CDK6: variants seen among roughly 807,000 people sequenced by gnomAD.
CDK6 encodes the protein cyclin dependent kinase 6.
Under a neutral mutation model 37.1 loss-of-function variants are expected in CDK6, and 6 were observed. The ratio of observed to expected loss-of-function variants is 0.16; its 90% CI spans 0.09 to 0.32. The LOEUF (loss-of-function observed/expected upper bound fraction) is 0.32, where lower values mean the gene tolerates loss of function less well. Ranked by LOEUF, CDK6 falls within the 10% of genes least tolerant of loss-of-function variation. The probability of loss-of-function intolerance (pLI) is 1.00; values close to 1 mark genes in which losing one functional copy is unlikely to be tolerated. For missense variants in CDK6, 224 were observed against 418.9 expected, an observed-to-expected ratio of 0.53 and a Z score of 4.06; for synonymous variants, 160 against 161.3, an observed-to-expected ratio of 0.99 and a Z score of 0.06.
rs1398003813 is a variant in CDK6, at chr7:92,623,102, T to C, written c.648-16A>G. 3.3e-6 allele frequency: 5 copies of C among 1,505,876 alleles called. No individual in the cohort carries two copies. Among genetic ancestry groups the C allele is most frequent in the Non-Finnish European group, 4.6e-6 (5 of 1,088,500 alleles). The allele number at this position is 1,505,876 out of a possible 1,614,324, so 93.3% of individuals were successfully genotyped here. On this transcript the variant is annotated splice_polypyrimidine_tract_variant and intron_variant, in intron 5 of 7. Coordinates refer to ENST00000424848, the MANE Select transcript of CDK6 (RefSeq NM_001145306.2). ...AAAAAGAGGCCTAAAAGAATAAAGA[T>C]ACATTTTAAATAAGAAATGTTCTCA...
chr7:92,695,282 A>AAAAAAAGAAAG (rs1554403912), intron 4 of CDK6, among the ~76,000 whole-genome samples: 8 of 149,978 alleles, frequency 5.3e-5, no homozygotes, highest in African/African-American at 2.0e-4. Context: ...AAAAAAAAAA[A>AAAAAAAGAAAG]AAAGAAAGAA....
chr7:92,784,540 A>T (rs954319328), intron 2 of CDK6, among the ~76,000 whole-genome samples: 1 of 152,170 alleles, frequency 6.6e-6, no homozygotes, highest in Non-Finnish European at 1.5e-5. Context: ...ACCTTCAATC[A>T]GCCACTCCAA....
In CDK6 at chr7:92,607,806, G is replaced by A. The variant is rs1795462026; in HGVS notation, c.*7334C>T. ...GTACTAACTAATATATTTACTACAG[G>A]TAATAGGAAAACAAATGAATAAAAA... is the stretch of plus-strand genomic sequence containing the variant. On this transcript the variant is annotated 3_prime_UTR_variant, in exon 8 of 8. Coordinates refer to ENST00000424848, the MANE Select transcript of CDK6 (RefSeq NM_001145306.2). The A allele has an allele frequency of 4.3e-6, 1 of 232,088 alleles. No homozygotes were observed. Among genetic ancestry groups the A allele is most frequent in the East Asian group, 6.1e-5 (1 of 16,368 alleles). The allele number at this position is 232,088 out of a possible 1,614,324, so 14.4% of individuals were successfully genotyped here. A position where few individuals can be genotyped will look rare whatever the true frequency, so the allele number is the denominator to read the frequency against.
chr7:92,721,817 G>A (rs1034470890), intron 4 of CDK6, among the ~76,000 whole-genome samples: 3 of 152,022 alleles, frequency 2.0e-5, no homozygotes, highest in African/African-American at 2.4e-5. Flanking sequence ...TATGAAACTC[G>A]TGTTTCTTAA....
At chr7:92,744,927 T>C (rs1436822224) in intron 3 of CDK6, among the ~76,000 whole-genome samples, 1 of 152,162 alleles carries the variant, frequency 6.6e-6, no homozygotes, top group Non-Finnish European at 1.5e-5. Context: ...AACTCTTACC[T>C]TTCTCGCTGG....
chr7:92,667,915 A>G (rs781213560), intron 5 of CDK6, among the ~76,000 whole-genome samples: 52 of 152,158 alleles, frequency 3.4e-4, no homozygotes, highest in Non-Finnish European at 5.4e-4. Flanking sequence ...ATTATTGAAG[A>G]AAGAAAAATA....
chr7:92,762,643 C>G (rs892479895), intron 3 of CDK6, among the ~76,000 whole-genome samples: 6 of 151,604 alleles, frequency 4.0e-5, no homozygotes, highest in Non-Finnish European at 8.8e-5. Flanking sequence ...TCTCGGCTCA[C>G]TGCAACCTCT....
At chr7:92,738,259 T>C (rs1798833450) in intron 3 of CDK6, among the ~76,000 whole-genome samples, 1 of 152,116 alleles carries the variant, frequency 6.6e-6, no homozygotes. Flanking sequence ...CAAATGGAAC[T>C]GAAGAGCTAC....
intron 5 of CDK6, among the ~76,000 whole-genome samples, chr7:92,628,373 T>C (rs1163286486): frequency 5.7e-5 from 2 of 34,822 alleles, no homozygotes; most frequent in African/African-American, 7.5e-4. Context: ...CCTACTTTAA[T>C]ACTAAGGCAA....
intron 3 of CDK6, among the ~76,000 whole-genome samples, chr7:92,744,896 A>G (rs1799021845): frequency 6.6e-6 from 1 of 152,046 alleles, no homozygotes. Context: ...AAGAGACTCA[A>G]GGTATAGGCT....
chr7:92,693,483 T>A (rs896336385), intron 4 of CDK6, among the ~76,000 whole-genome samples: 1 of 152,238 alleles, frequency 6.6e-6, no homozygotes, highest in African/African-American at 2.4e-5. Flanking sequence ...TATTATCTGT[T>A]TTCTAATTTA....
intron 4 of CDK6, chr7:92,725,243 T>C (rs1172493448): frequency 1.0e-6 from 1 of 985,336 alleles, no homozygotes; most frequent in Admixed American, 6.1e-5. Context: ...AAAACCATGA[T>C]GCTGCAGACA....
In CDK6 at chr7:92,694,501, A is replaced by G. The variant is rs116589655; in HGVS notation, c.538-22966T>C. 1.5e-3 allele frequency among the ~76,000 whole-genome samples: 229 copies of G among 152,346 alleles called. 2 individuals are homozygous for G. The highest frequency in any genetic ancestry group is 5.3e-3 in the African/African-American group (219 of 41,588). ...CTGAAAGAACATTAATAATTACTCA[A>G]TATAATTTGTGATTCCATAAAGCAA... On this transcript the variant is annotated intron_variant, in intron 4 of 7. Coordinates refer to ENST00000424848, the MANE Select transcript of CDK6 (RefSeq NM_001145306.2).
In CDK6 at chr7:92,612,019, T is replaced by C. The variant is rs1795573830; in HGVS notation, c.*3121A>G. ...CAACCCACTGGGTTCTTACAAGTGC[T>C]TAGAAATTGTATTTTTAAGATTAGG... On this transcript the variant is annotated 3_prime_UTR_variant, in exon 8 of 8. Transcript: ENST00000424848. 1 of 232,912 alleles carries C rather than the reference T, an allele frequency of 4.3e-6. No homozygotes were observed. Among genetic ancestry groups the C allele is most frequent in the African/African-American group, 2.2e-5 (1 of 45,344 alleles). 14.4% of individuals were successfully genotyped at this position (232,912 alleles called of 1,614,324 possible). A position where few individuals can be genotyped will look rare whatever the true frequency, so the allele number is the denominator to read the frequency against.
At chr7:92,672,158 T>TATATATATATACACAC in intron 4 of CDK6, among the ~76,000 whole-genome samples, 1 of 102,734 alleles carries the variant, frequency 9.7e-6, no homozygotes, top group South Asian at 3.8e-4. Context: ...TATATATATA[T>TATATATATATACACAC]ATACACATAC....
chr7:92,689,805 G>T (rs906998224), intron 4 of CDK6, among the ~76,000 whole-genome samples: 1 of 152,028 alleles, frequency 6.6e-6, no homozygotes, highest in African/African-American at 2.4e-5. Flanking sequence ...TGTTATTTTT[G>T]ACTTTTTAAT....
chr7:92,797,595 C>G (rs1800447488), intron 2 of CDK6, among the ~76,000 whole-genome samples: 1 of 152,150 alleles, frequency 6.6e-6, no homozygotes, highest in Non-Finnish European at 1.5e-5. Flanking sequence ...TAAAAAGGCC[C>G]TGGCCCTCAG....
intron 4 of CDK6, among the ~76,000 whole-genome samples, chr7:92,681,805 C>A (rs2116624672): frequency 6.6e-6 from 1 of 152,290 alleles, no homozygotes; most frequent in East Asian, 1.9e-4. Context: ...GAAGCACAAT[C>A]CTTGTGGAGC....
chr7:92,744,853 T>C (rs899041513), intron 3 of CDK6, among the ~76,000 whole-genome samples: 2 of 152,158 alleles, frequency 1.3e-5, no homozygotes, highest in Non-Finnish European at 1.5e-5. Flanking sequence ...AAAAAGTGTA[T>C]AGTCATCTTC....
Sources: allele counts gnomAD v4.1 joint callset (sites outside exome capture counted in the v4.1 genomes callset), GRCh38; gene constraint gnomAD v4.1.1; transcripts MANE v1.5; gene names NCBI Gene and HGNC (gene_info 2026-07-23, HGNC 2026-07-21).